The following MSI2 variants were observed in gnomAD, a reference collection of about 807,000 sequenced individuals.
The protein encoded by MSI2 is RNA-binding protein Musashi homolog 2.
A neutral mutation model predicts 45.6 loss-of-function variants in MSI2; 17 were observed. That is an observed-to-expected ratio of 0.37 (90% CI 0.26 to 0.56). The LOEUF is 0.56. Ranked by LOEUF, MSI2 falls within the 20% of genes least tolerant of loss-of-function variation. The probability of loss-of-function intolerance (pLI) is 0.77; values close to 1 mark genes in which losing one functional copy is unlikely to be tolerated. For synonymous variants in MSI2, 156 were observed against 158.2 expected, an observed-to-expected ratio of 0.99 and a Z score of 0.11; for missense variants, 293 against 444.2, an observed-to-expected ratio of 0.66 and a Z score of 3.06.
intron 5 of MSI2, among the ~76,000 whole-genome samples, chr17:57,398,580 C>T (rs773152291): frequency 6.6e-6 from 1 of 151,968 alleles, no homozygotes; most frequent in African/African-American, 2.4e-5. Context: ...CTTTTCGCTG[C>T]GTGTTTGGTT....
At chr17:57,474,325 A>G (rs2085497015) in intron 6 of MSI2, among the ~76,000 whole-genome samples, 1 of 152,164 alleles carries the variant, frequency 6.6e-6, no homozygotes, top group East Asian at 1.9e-4. Context: ...GGTGAAGTCG[A>G]ACATCCCCCA....
intron 7 of MSI2, among the ~76,000 whole-genome samples, chr17:57,538,429 T>C (rs569014742): frequency 9.9e-5 from 15 of 152,182 alleles, no homozygotes; most frequent in Non-Finnish European, 2.1e-4. Flanking sequence ...GTTTTAGAGT[T>C]GGTCATACTC....
chr17:57,605,264 G>C (rs1906422029), intron 8 of MSI2, among the ~76,000 whole-genome samples: 1 of 152,222 alleles, frequency 6.6e-6, no homozygotes, highest in South Asian at 2.1e-4. Flanking sequence ...GTGTTAATGA[G>C]AGCAGAGTGA....
intron 6 of MSI2, among the ~76,000 whole-genome samples, chr17:57,409,744 C>T (rs957733303): frequency 6.6e-6 from 1 of 151,962 alleles, no homozygotes; most frequent in Non-Finnish European, 1.5e-5. Context: ...CACAGTGGCT[C>T]ACGCCTGTAA....
At chr17:57,433,668 A>G (rs1320411718) in intron 6 of MSI2, among the ~76,000 whole-genome samples, 3 of 152,194 alleles carry the variant, frequency 2.0e-5, no homozygotes, top group African/African-American at 7.2e-5. Context: ...CTCACTGTAC[A>G]CAGCTGCCAC....
At chr17:57,473,665 T>C (rs1264253492) in intron 6 of MSI2, among the ~76,000 whole-genome samples, 2 of 152,198 alleles carry the variant, frequency 1.3e-5, no homozygotes, top group African/African-American at 4.8e-5. Flanking sequence ...AACCTTCCTC[T>C]CACCACTGAA....
chr17:57,281,216 G>C (rs898580115), intron 5 of MSI2, among the ~76,000 whole-genome samples: 5 of 152,198 alleles, frequency 3.3e-5, no homozygotes, highest in African/African-American at 4.8e-5. Flanking sequence ...GCAGGTTCCT[G>C]TCTAGAGGGC....
chr17:57,307,625 A>G (rs544478527), intron 5 of MSI2, among the ~76,000 whole-genome samples: 38 of 152,182 alleles, frequency 2.5e-4, no homozygotes, highest in Non-Finnish European at 4.9e-4. Context: ...GGGTTGCACC[A>G]CATTGGCCAG....
chr17:57,480,223 A>G (rs920565028), intron 6 of MSI2, among the ~76,000 whole-genome samples: 1 of 152,158 alleles, frequency 6.6e-6, no homozygotes, highest in East Asian at 1.9e-4. Context: ...TCAGCCTCCC[A>G]AAGTGCTGGG....
intron 6 of MSI2, among the ~76,000 whole-genome samples, chr17:57,500,682 TAGA>T (rs1295032650): frequency 6.6e-6 from 1 of 151,014 alleles, no homozygotes; most frequent in African/African-American, 2.4e-5. Flanking sequence ...GCCTTTAAAT[TAGA>T]AGACTAGCCA....
At chr17:57,358,166 G>A (rs916680760) in intron 5 of MSI2, among the ~76,000 whole-genome samples, 4 of 150,486 alleles carry the variant, frequency 2.7e-5, no homozygotes, top group Non-Finnish European at 5.9e-5. Context: ...GAGGGAAGAA[G>A]AGAAAGATCT....
chr17:57,439,957 G>T (rs950099574), intron 6 of MSI2, among the ~76,000 whole-genome samples: 1 of 151,692 alleles, frequency 6.6e-6, no homozygotes, highest in Non-Finnish European at 1.5e-5. Context: ...TAAGAGGGGG[G>T]GTCTGTTCTA....
At chr17:57,438,862 C>T (rs1388330701) in intron 6 of MSI2, among the ~76,000 whole-genome samples, 3 of 150,712 alleles carry the variant, frequency 2.0e-5, no homozygotes, top group African/African-American at 4.9e-5. Context: ...AGTGCAATGG[C>T]GCAGGTTGCT....
In MSI2 at chr17:57,297,668, T is replaced by A. The variant is rs151238372; in HGVS notation, c.312+35476T>A. Among the ~76,000 whole-genome samples the A allele has an allele frequency of 7.8e-3, 1,184 of 152,344 alleles. 14 individuals are homozygous for A. Among genetic ancestry groups the A allele is most frequent in the African/African-American group, 0.027 (1,120 of 41,568 alleles). ...TTTCTCTGTAGCATGCAATGCTGTTTGATAGCATTTTACCCACAGTAGAAC... is the reference window on the plus strand; with the variant it reads ...TTTCTCTGTAGCATGCAATGCTGTTAGATAGCATTTTACCCACAGTAGAAC... On this transcript the variant is annotated intron_variant, in intron 5 of 13. Transcript: ENST00000284073.
At chr17:57,491,016 G>A (rs55875041) in intron 6 of MSI2, among the ~76,000 whole-genome samples, 48,785 of 152,114 alleles carry the variant, frequency 0.32, 9,435 homozygotes, top group Non-Finnish European at 0.45. Context: ...CCAGGGTTCC[G>A]GGGTGGGGAG....
chr17:57,616,168 G>A (rs1907671083), intron 9 of MSI2, 84 bp downstream of exon 9: 1 of 956,934 alleles, frequency 1.0e-6, no homozygotes. Flanking sequence ...CTACCAGTGG[G>A]GCAAACTGCT....
chr17:57,650,324 C>A (rs1192492267), intron 10 of MSI2, among the ~76,000 whole-genome samples: 1 of 152,184 alleles, frequency 6.6e-6, no homozygotes, highest in Non-Finnish European at 1.5e-5. Flanking sequence ...CTCCAGCATC[C>A]CCTGGGCCTT....
At chr17:57,431,983 C>T (rs2084603914) in intron 6 of MSI2, among the ~76,000 whole-genome samples, 1 of 152,166 alleles carries the variant, frequency 6.6e-6, no homozygotes, top group Non-Finnish European at 1.5e-5. Context: ...CTTGCTCTGT[C>T]CCTTTGCAGC....
chr17:57,476,295 G>A (rs1210531456), intron 6 of MSI2, among the ~76,000 whole-genome samples: 1 of 152,136 alleles, frequency 6.6e-6, no homozygotes, highest in Non-Finnish European at 1.5e-5. Context: ...CATCCACACT[G>A]CATTGCAACG....
Sources: gnomAD v4.1 joint callset for allele counts (sites outside exome capture counted in the v4.1 genomes callset) on GRCh38, gnomAD v4.1.1 for gene constraint, MANE v1.5 for transcripts, NCBI Gene and HGNC (gene_info 2026-07-23, HGNC 2026-07-21) for gene names.